KIRREL3: variants seen among roughly 807,000 people sequenced by gnomAD.
KIRREL3 encodes kin of IRRE-like protein 3.
In KIRREL3, 36 loss-of-function variants were observed where a neutral mutation model predicts 89.7. That is an observed-to-expected ratio of 0.40 (90% CI 0.31 to 0.53). KIRREL3 has a LOEUF of 0.53. KIRREL3 is among the 20% of genes least tolerant of loss of function. The pLI, the probability that KIRREL3 is intolerant of heterozygous loss-of-function variation, is 0.49. For missense variants in KIRREL3, 864 were observed against 1,056.6 expected (o/e 0.82, Z 2.53); for synonymous variants, 445 against 441.4 (o/e 1.01, Z -0.10).
intron 1 of KIRREL3, among the ~76,000 whole-genome samples, chr11:126,899,842 T>C (rs2134830142): frequency 1.3e-5 from 2 of 152,296 alleles, no homozygotes; most frequent in Non-Finnish European, 2.9e-5. Flanking sequence ...AAAAATGTTG[T>C]CATTGAGGCC....
In KIRREL3 at chr11:126,985,080, G is replaced by T. The variant is rs1949823325; in HGVS notation, c.55+15375C>A. Among the ~76,000 whole-genome samples the T allele has an allele frequency of 6.6e-6, 1 of 152,168 alleles. No individual in the cohort carries two copies. Among genetic ancestry groups the T allele is most frequent in the Admixed American group, 6.5e-5 (1 of 15,280 alleles). ...ACTATGAAATACTATACACATGCAA[G>T]GAAGGATTAAATTATTATCACCTTT... On this transcript the variant is annotated intron_variant, in intron 1 of 16. Transcript: ENST00000525144. This position sits in a 1 kb window ranked among gnomAD's most constrained non-coding sequence, Gnocchi z 5.3.
intron 1 of KIRREL3, among the ~76,000 whole-genome samples, chr11:126,762,199 A>G (rs1037328997): frequency 1.3e-5 from 2 of 152,096 alleles, no homozygotes; most frequent in Non-Finnish European, 2.9e-5. Context: ...AAATAAACAA[A>G]CAAACAAATA....
At position 126,557,677 on chromosome 11, in the gene KIRREL3, C is replaced by T. The variant is rs555681114; in HGVS notation, c.133+5158G>A. On this transcript the variant is annotated intron_variant, in intron 2 of 16. Transcript: ENST00000525144. The surrounding 1 kb of genome is among the most constrained non-coding windows in gnomAD (Gnocchi z 5.6). ...TGTACGAGGGTGCATAAAGAACAGG[C>T]TCTCACGCCATCATAAAGAACTTTA... 6.6e-6 allele frequency among the ~76,000 whole-genome samples: 1 copy of T among 152,298 alleles called. No homozygotes were observed. The highest frequency in any genetic ancestry group is 2.1e-4 in the South Asian group (1 of 4,830).
At chr11:126,593,092 A>G (rs960074453) in intron 1 of KIRREL3, among the ~76,000 whole-genome samples, 2 of 152,140 alleles carry the variant, frequency 1.3e-5, no homozygotes, top group East Asian at 1.9e-4. Flanking sequence ...ATGGGTCTCC[A>G]ATAGGAAAAA....
rs923765501 is a variant in KIRREL3 at position 126,566,499 on chromosome 11, G to C, written c.56-3587C>G. 3.9e-5 allele frequency among the ~76,000 whole-genome samples: 6 copies of C among 152,332 alleles called. No individual in the cohort carries two copies. The South Asian group carries it at 1.2e-3, about 32-fold the overall frequency. ...GCTACAAAATATGGGACTGTGAAGG[G>C]TTCCTTCTGACTCGGGTCAGAATGA... On this transcript the variant is annotated intron_variant, in intron 1 of 16. Coordinates refer to ENST00000525144, the MANE Select transcript of KIRREL3 (RefSeq NM_032531.4). The surrounding 1 kb of genome is among the most constrained non-coding windows in gnomAD (Gnocchi z 4.9).
Position 126,854,953 on chromosome 11 carries a change from CT to C in KIRREL3, c.55+145501del, listed in dbSNP as rs1397387315. Among the ~76,000 whole-genome samples, 3 of 152,140 alleles carry C rather than the reference CT, an allele frequency of 2.0e-5. No individual in the cohort carries two copies. The East Asian group carries it at 5.8e-4, about 29-fold the overall frequency. On this transcript the variant is annotated intron_variant, in intron 1 of 16. Coordinates refer to ENST00000525144, the MANE Select transcript of KIRREL3 (RefSeq NM_032531.4). ...AGTCCTTCACAGATATAGATTCACC[CT>C]TGTCTCTAAGTCGTGGCTGTGGTAC...
At chr11:126,984,470 A>T (rs1591425723) in intron 1 of KIRREL3, among the ~76,000 whole-genome samples, 1 of 152,266 alleles carries the variant, frequency 6.6e-6, no homozygotes, top group East Asian at 1.9e-4. Flanking sequence ...GATGCAGTGC[A>T]GGGGGGTCAC....
chr11:126,839,325 G>T (rs1943886004), intron 1 of KIRREL3, among the ~76,000 whole-genome samples: 1 of 152,156 alleles, frequency 6.6e-6, no homozygotes, highest in Non-Finnish European at 1.5e-5. Context: ...TGAGGCTGCT[G>T]AAATAGCCTA....
chr11:126,681,707 A>T, intron 1 of KIRREL3: 1 of 350,458 alleles, frequency 2.9e-6, no homozygotes, highest in African/African-American at 2.1e-5. Context: ...CCTCGTGTAT[A>T]GTAGGTGATC....
At chr11:126,737,204 C>A (rs1457708863) in intron 1 of KIRREL3, among the ~76,000 whole-genome samples, 3 of 152,048 alleles carry the variant, frequency 2.0e-5, no homozygotes, top group African/African-American at 7.3e-5. Context: ...GCACACTGGG[C>A]TGGGGCCTGG....
chr11:126,440,475 G>A lies in KIRREL3; in HGVS notation c.1327C>T (p.Arg443Trp), dbSNP rs867080090. ...GEKGQIKCFIRSTPPPDRIAW... is the reference protein window; with the variant it reads ...GEKGQIKCFIWSTPPPDRIAW... The stretch of plus-strand genomic sequence containing the variant: ...ATGCGGTCCGGCGGCGGCGTGCTCC[G>A]GATGAAGCACTTGATCTGGCCCTTC... Residue 443 changes from arginine (R) to tryptophan (W), a missense_variant, in exon 11 of 17, where the codon CGG becomes TGG. Arg to Trp is a moderately radical substitution (Grantham distance 101). Transcript: ENST00000525144. 3 of 1,592,562 alleles carry A rather than the reference G, an allele frequency of 1.9e-6. No individual in the cohort carries two copies. Among genetic ancestry groups the A allele is most frequent in the Non-Finnish European group, 2.6e-6 (3 of 1,170,314 alleles).
chr11:126,503,702 A>T (rs980224098), intron 4 of KIRREL3, among the ~76,000 whole-genome samples: 2 of 152,104 alleles, frequency 1.3e-5, no homozygotes, highest in African/African-American at 4.8e-5. Context: ...GGAGGTAATT[A>T]AGCTCATCAG....
rs1399378900 is a variant in KIRREL3 at position 126,610,896 on chromosome 11, C to CTTGGCCTTAGCAGT, written c.56-47998_56-47985dup. 6.6e-6 allele frequency: 1 copy of CTTGGCCTTAGCAGT among 152,192 alleles called. No individual in the cohort carries two copies. The highest frequency in any genetic ancestry group is 2.4e-5 in the African/African-American group (1 of 41,444). 9.4% of individuals were successfully genotyped at this position (152,192 alleles called of 1,614,324 possible). A position where few individuals can be genotyped will look rare whatever the true frequency, so the allele number is the denominator to read the frequency against. On this transcript the variant is annotated intron_variant, in intron 1 of 16. Transcript: ENST00000525144. The surrounding 1 kb of genome is among the most constrained non-coding windows in gnomAD (Gnocchi z 4.6). ...AAGGTGGAATTTAGACCAAGATATTCTTGGCCTTAGCAGTTTGACTCGGGC... is the reference window on the plus strand; with the variant it reads ...AAGGTGGAATTTAGACCAAGATATTCTTGGCCTTAGCAGTTTGGCCTTAGCAGTTTGACTCGGGC...
chr11:126,680,732 G>C (rs1023981082), intron 1 of KIRREL3, among the ~76,000 whole-genome samples: 1 of 144,458 alleles, frequency 6.9e-6, no homozygotes, highest in Non-Finnish European at 1.5e-5. Flanking sequence ...GAGATACTTA[G>C]AGCAAAAAAA....
chr11:126,790,865 C>T (rs1262575390), intron 1 of KIRREL3, among the ~76,000 whole-genome samples: 1 of 152,176 alleles, frequency 6.6e-6, no homozygotes, highest in African/African-American at 2.4e-5. Context: ...CCACTGTCTC[C>T]TGTTCCTGAT....
rs1940162976 is a variant in KIRREL3 at position 126,562,018 on chromosome 11, G to A, written c.133+817C>T. ...AGGGGAGGGGTCCAGCCCATGGCAA[G>A]CATGGCTGGTGGGAGCCAAGGCTTC... On this transcript the variant is annotated intron_variant, in intron 2 of 16. Transcript: ENST00000525144. The surrounding 1 kb of genome is among the most constrained non-coding windows in gnomAD (Gnocchi z 4.7). Among the ~76,000 whole-genome samples the A allele has an allele frequency of 6.6e-6, 1 of 152,226 alleles. No homozygotes were observed. The highest frequency in any genetic ancestry group is 2.4e-5 in the African/African-American group (1 of 41,458).
chr11:126,597,699 A>G, intron 1 of KIRREL3, among the ~76,000 whole-genome samples: 1 of 152,206 alleles, frequency 6.6e-6, no homozygotes, highest in East Asian at 1.9e-4. Context: ...TTGCTGTGCC[A>G]GTGAAAAACA....
rs972910965 is a variant in KIRREL3 at position 126,622,399 on chromosome 11, T to C, written c.56-59487A>G. 2.6e-5 allele frequency among the ~76,000 whole-genome samples: 4 copies of C among 152,218 alleles called. No individual in the cohort carries two copies. Among genetic ancestry groups the C allele is most frequent in the African/African-American group, 9.6e-5 (4 of 41,468 alleles). ...CTGGAGGGAGGAGAGGAGTCGGTTC[T>C]GGCTTGTGAGCCATGGTGCTACTGG... On this transcript the variant is annotated intron_variant, in intron 1 of 16. Transcript: ENST00000525144. The surrounding 1 kb of genome is among the most constrained non-coding windows in gnomAD (Gnocchi z 5.2).
chr11:126,777,490 A>G (rs1241833266), intron 1 of KIRREL3, among the ~76,000 whole-genome samples: 1 of 152,146 alleles, frequency 6.6e-6, no homozygotes, highest in Non-Finnish European at 1.5e-5. Context: ...AAAAACCCCA[A>G]AGCATTCCGG....
Sources: gnomAD v4.1 joint callset for allele counts (sites outside exome capture counted in the v4.1 genomes callset) on GRCh38, gnomAD v4.1.1 for gene constraint, Gnocchi (gnomAD v3.1) non-coding constraint, MANE v1.5 for transcripts, NCBI Gene and HGNC (gene_info 2026-07-23, HGNC 2026-07-21) for gene names.